The following TLN2 variants were observed in gnomAD, a reference collection of about 807,000 sequenced individuals.
The protein encoded by TLN2 is talin 2, also known as talin-2.
A neutral mutation model predicts 294.7 loss-of-function variants in TLN2; 118 were observed. The observed-to-expected ratio is 0.40, with a 90% CI of 0.34 to 0.47. TLN2 has a LOEUF of 0.47. Among genes scored for constraint, TLN2 ranks in the 20% least tolerant of loss-of-function variants. TLN2 has a pLI of 0.84. For synonymous variants in TLN2, 1,431 were observed against 1,304.5 expected, an observed-to-expected ratio of 1.10 and a Z score of -2.09; for missense variants, 3,083 against 3,282.2, an observed-to-expected ratio of 0.94 and a Z score of 1.48.
chr15:62,801,650 T>G (rs2065935542), intron 50 of TLN2, among the ~76,000 whole-genome samples: 1 of 152,192 alleles, frequency 6.6e-6, no homozygotes, highest in African/African-American at 2.4e-5. Context: ...GAATCTAGCC[T>G]TGATTGATGT....
intron 7 of TLN2, 85 bp from the exon 8 acceptor site, chr15:62,655,859 T>A: frequency 6.9e-7 from 1 of 1,454,256 alleles, no homozygotes; most frequent in Non-Finnish European, 9.4e-7. Context: ...TACAGAAATC[T>A]GCATCACACT....
rs1596395812 is a variant in TLN2, at chr15:62,629,177, A to G, written c.-37+10702A>G. Among the ~76,000 whole-genome samples, 5 of 152,332 alleles carry G rather than the reference A, an allele frequency of 3.3e-5. No homozygotes were observed. The South Asian group carries it at 1.0e-3, about 32-fold the overall frequency. Reference sequence around the variant, plus strand: ...CACCACACTCCAGCCTGGGCCACAGAGTGAGACCCTGTTTCAAAAATAAAA... The same window carrying G: ...CACCACACTCCAGCCTGGGCCACAGGGTGAGACCCTGTTTCAAAAATAAAA... On this transcript the variant is annotated intron_variant, in intron 3 of 58. Transcript: ENST00000636159.
At position 62,707,174 on chromosome 15, in the gene TLN2, A is replaced by G. The variant is rs372051270; in HGVS notation, c.2093A>G (p.Asp698Gly). The change falls in exon 20 of 59, where the codon GAC becomes GGC. Residue 698 changes from aspartate to glycine, a missense_variant. Asp to Gly is a moderately conservative substitution (Grantham distance 94, BLOSUM62 -1). Transcript: ENST00000636159. ...AAGAATGTTGCCCAAGTGGCCGAAG[A>G]CACTGTCCTACAGAACAGGGTAATT... ...KAKNVAQVAE[D>G]TVLQNRVIAA... 1.5e-5 allele frequency: 25 copies of G among 1,614,122 alleles called. No individual in the cohort carries two copies. Among genetic ancestry groups the G allele is most frequent in the Admixed American group, 3.3e-5 (2 of 60,012 alleles).
At chr15:62,646,410 C>G (rs953822070) in intron 3 of TLN2, among the ~76,000 whole-genome samples, 5 of 152,178 alleles carry the variant, frequency 3.3e-5, no homozygotes, top group African/African-American at 9.7e-5. Context: ...GATCCGCCCC[C>G]CTCAGCCTCC....
chr15:62,475,785 C>T (rs1351022124), intron 1 of TLN2, among the ~76,000 whole-genome samples: 1 of 152,180 alleles, frequency 6.6e-6, no homozygotes, highest in Non-Finnish European at 1.5e-5. Flanking sequence ...GGAGAGAGAA[C>T]TGGGGGCATG....
intron 42 of TLN2, among the ~76,000 whole-genome samples, chr15:62,773,901 C>T (rs939452907): frequency 7.2e-5 from 11 of 152,146 alleles, no homozygotes; most frequent in African/African-American, 1.7e-4. Context: ...AGCCCAGAAC[C>T]TGGTGTTAAT....
At chr15:62,735,918 C>T (rs905774435) in intron 28 of TLN2, among the ~76,000 whole-genome samples, 4 of 152,094 alleles carry the variant, frequency 2.6e-5, no homozygotes, top group African/African-American at 9.7e-5. Context: ...GAATGAACTG[C>T]CAGACATCAC....
In TLN2 at chr15:62,642,693, TGTTTTC is replaced by T. The variant is rs369665747; in HGVS notation, c.-36-4581_-36-4576del. Among the ~76,000 whole-genome samples the T allele has an allele frequency of 3.5e-3, 527 of 149,520 alleles. 4 individuals are homozygous for T. Among genetic ancestry groups the T allele is most frequent in the African/African-American group, 0.013 (508 of 39,320 alleles). ...TTGTTGTTGTTTTTGTTTGTTTGTT[TGTTTTC>T]TGTTTTTTTTTTTTTTGAGACAGAG... On this transcript the variant is annotated intron_variant, in intron 3 of 58. Coordinates refer to ENST00000636159, the MANE Select transcript of TLN2 (RefSeq NM_015059.3).
At chr15:62,752,565 G>C (rs1194220880) in intron 35 of TLN2, 138 bp downstream of exon 35, 1 of 1,309,032 alleles carries the variant, frequency 7.6e-7, no homozygotes, top group Non-Finnish European at 1.0e-6. Flanking sequence ...GTGCTGGCTG[G>C]GGCATTTACA....
At chr15:62,527,749 T>C (rs879336456) in intron 1 of TLN2, among the ~76,000 whole-genome samples, 4 of 152,204 alleles carry the variant, frequency 2.6e-5, no homozygotes, top group Non-Finnish European at 5.9e-5. Context: ...GTGGGTCTTA[T>C]CCACTGCCAG....
intron 1 of TLN2, among the ~76,000 whole-genome samples, chr15:62,529,366 C>A (rs968825719): frequency 6.6e-6 from 1 of 152,044 alleles, no homozygotes; most frequent in Non-Finnish European, 1.5e-5. Flanking sequence ...TGGTATTACA[C>A]GTGTGAGCCA....
chr15:62,663,560 A>C (rs1273937052), intron 9 of TLN2, among the ~76,000 whole-genome samples: 1 of 151,888 alleles, frequency 6.6e-6, no homozygotes, highest in South Asian at 2.1e-4. Context: ...TAGAATTAAC[A>C]AGACTTTTAA....
intron 54 of TLN2, among the ~76,000 whole-genome samples, chr15:62,827,322 G>A (rs1191190290): frequency 6.6e-6 from 1 of 152,176 alleles, no homozygotes; most frequent in Non-Finnish European, 1.5e-5. Context: ...ATGTTGGTAA[G>A]GATATTGAGG....
rs72755901 is a variant in TLN2 at position 62,744,469 on chromosome 15, C to T, written c.4025+3700C>T. Among the ~76,000 whole-genome samples the T allele has an allele frequency of 8.1e-3, 1,188 of 146,840 alleles. 9 individuals are homozygous for T. Among genetic ancestry groups the T allele is most frequent in the Non-Finnish European group, 0.013 (897 of 67,360 alleles). The stretch of plus-strand genomic sequence containing the variant: ...CTGTGTTGCTCAGCCTGGTCTGGAA[C>T]TCCTGGCCACAACCTCTGGAGTAGC... On this transcript the variant is annotated intron_variant, in intron 32 of 58. Coordinates refer to ENST00000636159, the MANE Select transcript of TLN2 (RefSeq NM_015059.3).
At chr15:62,588,094 A>T (rs1442148801) in intron 1 of TLN2, among the ~76,000 whole-genome samples, 1 of 151,986 alleles carries the variant, frequency 6.6e-6, no homozygotes, top group Non-Finnish European at 1.5e-5. Context: ...GTTAGCCAGG[A>T]TGGTCTCGAT....
At chr15:62,679,508 A>G (rs781258988) in intron 11 of TLN2, among the ~76,000 whole-genome samples, 2 of 152,244 alleles carry the variant, frequency 1.3e-5, no homozygotes, top group Non-Finnish European at 2.9e-5. Flanking sequence ...GAAAGAAGCC[A>G]GTCACAAAAG....
intron 21 of TLN2, among the ~76,000 whole-genome samples, chr15:62,709,326 T>C (rs2059273329): frequency 6.6e-6 from 1 of 152,174 alleles, no homozygotes; most frequent in African/African-American, 2.4e-5. Context: ...CTAGTTTAAA[T>C]AATTTTGGCA....
chr15:62,591,963 G>A (rs1470911712), intron 2 of TLN2, among the ~76,000 whole-genome samples: 2 of 152,094 alleles, frequency 1.3e-5, no homozygotes, highest in African/African-American at 4.8e-5. Context: ...CACAGTGGCC[G>A]GGAAACACAT....
chr15:62,679,030 CTTTTT>C (rs71131118), intron 11 of TLN2, among the ~76,000 whole-genome samples: 1 of 132,396 alleles, frequency 7.6e-6, no homozygotes, highest in South Asian at 2.4e-4. Flanking sequence ...TATACCAAGT[CTTTTT>C]TTTTTTTTTT....
Sources: gnomAD v4.1 joint callset for allele counts (sites outside exome capture counted in the v4.1 genomes callset) on GRCh38, gnomAD v4.1.1 for gene constraint, MANE v1.5 for transcripts, NCBI Gene and HGNC (gene_info 2026-07-23, HGNC 2026-07-21) for gene names.